NPEPPS: variants seen among roughly 807,000 people sequenced by gnomAD.
NPEPPS encodes puromycin-sensitive aminopeptidase.
Under a neutral mutation model 115.5 loss-of-function variants are expected in NPEPPS, and 14 were observed. The observed-to-expected ratio is 0.12, with a 90% CI of 0.08 to 0.19. The LOEUF is 0.19. Ranked by LOEUF, NPEPPS falls within the 10% of genes least tolerant of loss-of-function variation. The pLI is 1.00. For synonymous variants in NPEPPS, 285 were observed against 390.6 expected (o/e 0.73, Z 3.19); for missense variants, 523 against 1,110.8 (o/e 0.47, Z 7.52).
Position 47,619,748 on chromosome 17 carries a change from G to A in NPEPPS, c.2571G>A (p.Glu857=). 2 of 1,613,628 alleles carry A rather than the reference G, an allele frequency of 1.2e-6. No individual in the cohort carries two copies. The highest frequency in any genetic ancestry group is 8.5e-7 in the Non-Finnish European group (1 of 1,179,636). ...LISRLIKLSV[E]GFAVDKMAGE... ...CCATTGTTTTGCAGCTATCAGTTGA[G>A]GGATTTGCAGTTGATAAAATGGCTG... is the stretch of plus-strand genomic sequence containing the variant. Residue 857 remains glutamate, a synonymous_variant, in exon 22 of 23, where the codon GAG becomes GAA. Transcript: ENST00000322157.
At chr17:47,540,078 G>A (rs962413707) in intron 1 of NPEPPS, among the ~76,000 whole-genome samples, 2 of 152,126 alleles carry the variant, frequency 1.3e-5, no homozygotes, top group African/African-American at 4.8e-5. Context: ...TGTTATCTCC[G>A]ATTTCTGCCT....
intron 2 of NPEPPS, among the ~76,000 whole-genome samples, chr17:47,552,873 A>G (rs533675245): frequency 2.0e-5 from 3 of 152,326 alleles, no homozygotes; most frequent in East Asian, 3.9e-4. Context: ...ACATGTTCAT[A>G]TAGAGAACAA....
At chr17:47,602,353 G>A (rs572902348) in intron 15 of NPEPPS, among the ~76,000 whole-genome samples, 82 of 152,150 alleles carry the variant, frequency 5.4e-4, no homozygotes, top group Non-Finnish European at 8.8e-4. Flanking sequence ...GCCGAACGCT[G>A]TGGTAGCACT....
chr17:47,553,971 C>T (rs1909827429), intron 2 of NPEPPS, among the ~76,000 whole-genome samples: 1 of 151,408 alleles, frequency 6.6e-6, no homozygotes, highest in Non-Finnish European at 1.5e-5. Flanking sequence ...AGGATGGTCT[C>T]CATCTTCTGA....
chr17:47,605,737 G>A (rs1293206846), intron 17 of NPEPPS, among the ~76,000 whole-genome samples, 185 bp downstream of exon 17: 1 of 152,216 alleles, frequency 6.6e-6, no homozygotes, highest in South Asian at 2.1e-4. Flanking sequence ...CATAGAAACA[G>A]TAGTGGTTAT....
At chr17:47,548,797 G>T (rs1371664401) in intron 2 of NPEPPS, among the ~76,000 whole-genome samples, 1 of 151,378 alleles carries the variant, frequency 6.6e-6, no homozygotes, top group African/African-American at 2.4e-5. Flanking sequence ...GGCTGGTCTT[G>T]AACTCCTGGC....
chr17:47,538,578 G>A lies in NPEPPS; in HGVS notation c.255+7023G>A, dbSNP rs369461501. Reference sequence around the variant, plus strand: ...AGAGTCTTGCTCTGTCGCCAAGGCCGGAGTGCAGTGGCGTGATCTCAGCTC... The same window carrying A: ...AGAGTCTTGCTCTGTCGCCAAGGCCAGAGTGCAGTGGCGTGATCTCAGCTC... On this transcript the variant is annotated intron_variant, in intron 1 of 22. Coordinates refer to ENST00000322157, the MANE Select transcript of NPEPPS (RefSeq NM_006310.4). 8.0e-3 allele frequency among the ~76,000 whole-genome samples: 1,088 copies of A among 136,716 alleles called. 11 individuals carry two copies. The highest frequency in any genetic ancestry group is 0.027 in the African/African-American group (949 of 35,600). 89.7% of individuals were successfully genotyped at this position (136,716 alleles called of 152,430 possible). A position where few individuals can be genotyped will look rare whatever the true frequency, so the allele number is the denominator to read the frequency against.
At chr17:47,561,131 A>G (rs941558955) in intron 2 of NPEPPS, among the ~76,000 whole-genome samples, 23 of 152,208 alleles carry the variant, frequency 1.5e-4, no homozygotes, top group Middle Eastern at 6.8e-3. Flanking sequence ...AAAAATTTCA[A>G]TCTTTTTTTA....
At chr17:47,573,657 CTG>C (rs548159955) in intron 3 of NPEPPS, among the ~76,000 whole-genome samples, 9 of 152,328 alleles carry the variant, frequency 5.9e-5, no homozygotes, top group African/African-American at 1.7e-4. Context: ...GAATTGAAGG[CTG>C]CAGTGAGCCA....
intron 2 of NPEPPS, among the ~76,000 whole-genome samples, chr17:47,560,883 G>A (rs1003573312): frequency 3.3e-5 from 5 of 152,174 alleles, no homozygotes; most frequent in Admixed American, 1.3e-4. Flanking sequence ...GTATATGTGG[G>A]CTATATAGAA....
chr17:47,613,970 CTT>C (rs1192828736), intron 19 of NPEPPS, among the ~76,000 whole-genome samples: 1 of 150,854 alleles, frequency 6.6e-6, no homozygotes, highest in Non-Finnish European at 1.5e-5. Flanking sequence ...CATCTGAAAT[CTT>C]ATTATTATTT....
At position 47,613,652 on chromosome 17, in the gene NPEPPS, T is replaced by G; in HGVS notation, c.2239-17T>G. Reference sequence around the variant, plus strand: ...AAGGTACATTTAATCAAATGACTTATTTTTTGTCCCTTGTAGGTCTATCTG... The same window carrying G: ...AAGGTACATTTAATCAAATGACTTAGTTTTTGTCCCTTGTAGGTCTATCTG... On this transcript the variant is annotated splice_polypyrimidine_tract_variant and intron_variant, in intron 18 of 22. Coordinates refer to ENST00000322157, the MANE Select transcript of NPEPPS (RefSeq NM_006310.4). 11 of 1,595,256 alleles carry G rather than the reference T, an allele frequency of 6.9e-6. No homozygotes were observed. Among genetic ancestry groups the G allele is most frequent in the Non-Finnish European group, 9.4e-6 (11 of 1,164,788 alleles).
intron 17 of NPEPPS, among the ~76,000 whole-genome samples, chr17:47,611,880 C>T (rs1258398694): frequency 6.6e-6 from 1 of 152,178 alleles, no homozygotes; most frequent in Non-Finnish European, 1.5e-5. Flanking sequence ...TTGTCCACAT[C>T]CTTGCTAACA....
intron 13 of NPEPPS, among the ~76,000 whole-genome samples, chr17:47,597,275 A>G (rs1269444275): frequency 6.6e-6 from 1 of 152,180 alleles, no homozygotes; most frequent in Non-Finnish European, 1.5e-5. Flanking sequence ...TTCAGAGAGG[A>G]GTACTTTGGT....
intron 12 of NPEPPS, chr17:47,592,751 CCTTT>C (rs976804517): frequency 5.9e-5 from 29 of 487,862 alleles, no homozygotes; most frequent in African/African-American, 1.6e-4. Context: ...CTTTTTCTTT[CCTTT>C]CTTTCTTTTT....
chr17:47,590,456 CAAA>C (rs59183684), intron 9 of NPEPPS, among the ~76,000 whole-genome samples: 7 of 136,028 alleles, frequency 5.1e-5, no homozygotes, highest in Non-Finnish European at 1.6e-5. Flanking sequence ...GACTTTGTCT[CAAA>C]AAAAAAAAAA....
chr17:47,538,229 A>C (rs1413103070), intron 1 of NPEPPS, among the ~76,000 whole-genome samples: 2 of 42,884 alleles, frequency 4.7e-5, no homozygotes, highest in African/African-American at 7.6e-5. Context: ...TTTTTTTGAG[A>C]CAGAGTCTCA....
At chr17:47,544,227 C>T (rs1244656771) in intron 1 of NPEPPS, among the ~76,000 whole-genome samples, 2 of 151,990 alleles carry the variant, frequency 1.3e-5, no homozygotes, top group African/African-American at 4.8e-5. Context: ...GATGGGGTCT[C>T]TCTACTCTCT....
At position 47,569,466 on chromosome 17, in the gene NPEPPS, C is replaced by G; in HGVS notation, c.390C>G (p.Thr130=). ...ATCAGAATGAAGATGAAAAAGTCAC[C>G]TTGTCTTTCCCTAGTACTCTGCAAA... The part of the protein sequence containing the change: ...FNYQNEDEKV[T]LSFPSTLQTG... Residue 130 remains threonine (T), a synonymous_variant, in exon 3 of 23, where the codon ACC becomes ACG. Coordinates refer to ENST00000322157, the MANE Select transcript of NPEPPS (RefSeq NM_006310.4). 4.7e-6 allele frequency: 7 copies of G among 1,503,602 alleles called. No homozygotes were observed. Among genetic ancestry groups the G allele is most frequent in the Non-Finnish European group, 6.5e-6 (7 of 1,082,644 alleles). 93.1% of individuals were successfully genotyped at this position (1,503,602 alleles called of 1,614,324 possible).
Sources: allele counts gnomAD v4.1 joint callset (sites outside exome capture counted in the v4.1 genomes callset), GRCh38; gene constraint gnomAD v4.1.1; transcripts MANE v1.5; gene names NCBI Gene and HGNC (gene_info 2026-07-23, HGNC 2026-07-21).